CFAP141: variants seen among roughly 807,000 people sequenced by gnomAD.
CFAP141 encodes cilia- and flagella-associated protein 141.
chr1:154,204,220 GTAAATT>G, the CFAP141 span, among the ~76,000 whole-genome samples: 3 of 152,100 alleles, frequency 2.0e-5, no homozygotes, highest in Admixed American at 6.6e-5. Context: ...CAATGGATAT[GTAAATT>G]TAAATTTTGA....
chr1:154,204,028 T>C, the CFAP141 span, among the ~76,000 whole-genome samples: 11 of 151,832 alleles, frequency 7.2e-5, no homozygotes, highest in Non-Finnish European at 1.2e-4. Context: ...GAGGCGGAGG[T>C]TGCAGCGAGC....
the CFAP141 span, chr1:154,200,481 A>G: frequency 1.9e-6 from 3 of 1,614,188 alleles, no homozygotes; most frequent in Non-Finnish European, 2.5e-6. Flanking sequence ...CTTTTTGGCC[A>G]GTGCCAATTC....
chr1:154,206,318 T>G, the CFAP141 span: 2 of 1,613,866 alleles, frequency 1.2e-6, no homozygotes, highest in East Asian at 4.5e-5. Flanking sequence ...GTCTATAGAT[T>G]TGCTTGATAC....
chr1:154,205,710 T>TC, the CFAP141 span: 3 of 368,084 alleles, frequency 8.2e-6, no homozygotes, highest in East Asian at 1.8e-4. Context: ...GACATAGACC[T>TC]TTTTTTTTTT....
chr1:154,201,022 T>C, the CFAP141 span, among the ~76,000 whole-genome samples: 1 of 151,770 alleles, frequency 6.6e-6, no homozygotes, highest in Non-Finnish European at 1.5e-5. Flanking sequence ...GCCCCACTGT[T>C]AGAAGACTGT....
At chr1:154,203,717 A>G in the CFAP141 span, among the ~76,000 whole-genome samples, 1 of 152,104 alleles carries the variant, frequency 6.6e-6, no homozygotes, top group African/African-American at 2.4e-5. Flanking sequence ...ACACCCAGCT[A>G]CTTGTGAATG....
chr1:154,202,526 C>A, the CFAP141 span, among the ~76,000 whole-genome samples: 2 of 152,064 alleles, frequency 1.3e-5, no homozygotes, highest in Non-Finnish European at 2.9e-5. Context: ...TGAGGCCGGC[C>A]GCGGTGACTC....
chr1:154,201,022 T>G, the CFAP141 span, among the ~76,000 whole-genome samples: 1 of 151,770 alleles, frequency 6.6e-6, no homozygotes, highest in Non-Finnish European at 1.5e-5. Context: ...GCCCCACTGT[T>G]AGAAGACTGT....
the CFAP141 span, chr1:154,206,306 A>G: frequency 1.9e-6 from 3 of 1,614,036 alleles, no homozygotes; most frequent in South Asian, 2.2e-5. Context: ...TTCCACAGAC[A>G]TGTCTATAGA....
At chr1:154,202,055 G>A in the CFAP141 span, among the ~76,000 whole-genome samples, 5 of 151,720 alleles carry the variant, frequency 3.3e-5, 1 homozygote, top group African/African-American at 1.2e-4. Context: ...TCCTGCCTCA[G>A]ACTCCTGAGT....
chr1:154,202,772 G>A, the CFAP141 span, among the ~76,000 whole-genome samples: 2 of 151,590 alleles, frequency 1.3e-5, no homozygotes, highest in South Asian at 2.1e-4. Context: ...CTGCACTCCA[G>A]CCTGGGCGAC....
the CFAP141 span, chr1:154,205,634 A>C: frequency 6.2e-7 from 1 of 1,614,012 alleles, no homozygotes. Flanking sequence ...GGCCTTTTGA[A>C]AACTCTGCAA....
chr1:154,200,502 G>C, the CFAP141 span: 1 of 1,614,204 alleles, frequency 6.2e-7, no homozygotes, highest in Non-Finnish European at 8.5e-7. Flanking sequence ...CTGTACCATG[G>C]TGTCCTGCAT....
the CFAP141 span, chr1:154,205,526 G>A: frequency 7.3e-7 from 1 of 1,366,088 alleles, no homozygotes; most frequent in Non-Finnish European, 1.0e-6. Context: ...AGAGTTGGGA[G>A]GTGGCTCAGG....
chr1:154,201,027 GA>G, the CFAP141 span, among the ~76,000 whole-genome samples: 3,280 of 152,226 alleles, frequency 0.022, 105 homozygotes, highest in African/African-American at 0.076. Flanking sequence ...ACTGTTAGAA[GA>G]CTGTAAAATC....
the CFAP141 span, among the ~76,000 whole-genome samples, chr1:154,203,984 A>T: frequency 1.3e-5 from 2 of 152,072 alleles, no homozygotes; most frequent in African/African-American, 2.4e-5. Context: ...CCAACTACTC[A>T]GGAGGCTGAG....
the CFAP141 span, among the ~76,000 whole-genome samples, chr1:154,203,162 T>C: frequency 1.1e-5 from 1 of 90,168 alleles, no homozygotes; most frequent in Non-Finnish European, 2.2e-5. Flanking sequence ...TTGTTATCTC[T>C]GACTGGGCAA....
the CFAP141 span, among the ~76,000 whole-genome samples, chr1:154,202,596 C>A: frequency 6.7e-6 from 1 of 149,112 alleles, no homozygotes; most frequent in Non-Finnish European, 1.5e-5. Flanking sequence ...GTCAGGAGAT[C>A]GAGACCATCC....
chr1:154,204,079 G>A, the CFAP141 span, among the ~76,000 whole-genome samples: 1 of 150,930 alleles, frequency 6.6e-6, no homozygotes, highest in Non-Finnish European at 1.5e-5. Flanking sequence ...CAACAAGAGC[G>A]AAACTCCATC....
Sources: gnomAD v4.1 joint callset for allele counts (sites outside exome capture counted in the v4.1 genomes callset) on GRCh38, gnomAD v4.1.1 for gene constraint, MANE v1.5 for transcripts, NCBI Gene and HGNC (gene_info 2026-07-23, HGNC 2026-07-21) for gene names.